The following CELSR1 variants were observed in gnomAD, a reference collection of about 807,000 sequenced individuals.
CELSR1 encodes the protein cadherin EGF LAG seven-pass G-type receptor 1, also known as adhesion G protein-coupled receptor C1.
Under a neutral mutation model 249.1 loss-of-function variants are expected in CELSR1, and 110 were observed. That is an observed-to-expected ratio of 0.44 (90% CI 0.38 to 0.52). CELSR1 has a LOEUF of 0.52. Among genes scored for constraint, CELSR1 ranks in the 20% least tolerant of loss-of-function variants. The pLI is 0.00. For synonymous variants in CELSR1, 2,113 were observed against 1,900.0 expected, an observed-to-expected ratio of 1.11 and a Z score of -2.92; for missense variants, 4,109 against 4,296.4, an observed-to-expected ratio of 0.96 and a Z score of 1.22.
intron 1 of CELSR1, among the ~76,000 whole-genome samples, chr22:46,503,224 G>A (rs2080483076): frequency 6.6e-6 from 1 of 152,220 alleles, no homozygotes; most frequent in Non-Finnish European, 1.5e-5. Context: ...CCAGCCCCCA[G>A]CAATCCAACC....
chr22:46,422,272 ATTT>A (rs1246172460), intron 5 of CELSR1, among the ~76,000 whole-genome samples: 2 of 151,706 alleles, frequency 1.3e-5, no homozygotes, highest in African/African-American at 4.8e-5. Flanking sequence ...CGCCCGGCTA[ATTT>A]TTTTGTATTT....
chr22:46,485,506 C>T (rs1260687245), intron 1 of CELSR1, among the ~76,000 whole-genome samples: 2 of 152,280 alleles, frequency 1.3e-5, no homozygotes, highest in Non-Finnish European at 1.5e-5. Flanking sequence ...CATGCGGGGC[C>T]GCCAGGCAGC....
At position 46,362,049 on chromosome 22, in the gene CELSR1, C is replaced by G. The variant is rs1384432439; in HGVS notation, c.*1174G>C. On this transcript the variant is annotated 3_prime_UTR_variant, in exon 35 of 35. Coordinates refer to ENST00000674500, the MANE Select transcript of CELSR1 (RefSeq NM_001378328.1). ...TTGGTCAGACTCCAGAGGGGAGAAC[C>G]CTGCCTGGAGATCCTCGCAGTCTCA... is the stretch of plus-strand genomic sequence containing the variant. 1.3e-5 allele frequency: 2 copies of G among 152,224 alleles called. No homozygotes were observed. The highest frequency in any genetic ancestry group is 4.8e-5 in the African/African-American group (2 of 41,444). The allele number at this position is 152,224 out of a possible 1,614,324, so 9.4% of individuals were successfully genotyped here. A position where few individuals can be genotyped will look rare whatever the true frequency, so the allele number is the denominator to read the frequency against.
chr22:46,481,373 T>G, intron 1 of CELSR1: 1 of 925,156 alleles, frequency 1.1e-6, no homozygotes, highest in South Asian at 1.4e-5. Flanking sequence ...TCGGTCATAG[T>G]TGGGAGCAGG....
In CELSR1 at chr22:46,434,183, A is replaced by G. The variant is rs538159948; in HGVS notation, c.4523-702T>C. On this transcript the variant is annotated intron_variant, in intron 4 of 34. Transcript: ENST00000674500. This position sits in a 1 kb window ranked among gnomAD's most constrained non-coding sequence, Gnocchi z 4.9. ...ATCTCAGGCTTTTAACAACTCTTAA[A>G]CCACGTAACACGTCCCATCGTGAGG... Among the ~76,000 whole-genome samples, 7 of 152,258 alleles carry G rather than the reference A, an allele frequency of 4.6e-5. No homozygotes were observed. Among genetic ancestry groups the G allele is most frequent in the African/African-American group, 1.7e-4 (7 of 41,544 alleles).
At chr22:46,459,242 G>C (rs1481576983) in intron 2 of CELSR1, among the ~76,000 whole-genome samples, 2 of 152,106 alleles carry the variant, frequency 1.3e-5, no homozygotes, top group East Asian at 3.9e-4. Context: ...AGGGAGAGCA[G>C]ACACCAAGAG....
At chr22:46,525,870 G>T (rs563310017) in intron 1 of CELSR1, among the ~76,000 whole-genome samples, 1 of 152,250 alleles carries the variant, frequency 6.6e-6, no homozygotes, top group Non-Finnish European at 1.5e-5. Flanking sequence ...AGCGACACTG[G>T]GGCCAGCGTG....
chr22:46,419,983 ACACT>A (rs935461279), intron 5 of CELSR1, among the ~76,000 whole-genome samples: 25 of 151,426 alleles, frequency 1.7e-4, no homozygotes, highest in Admixed American at 1.6e-3. Flanking sequence ...ACCCTTATGT[ACACT>A]CACCCACAAT....
At position 46,363,842 on chromosome 22, in the gene CELSR1, G is replaced by A. The variant is rs535223882; in HGVS notation, c.9035+154C>T. ...GTATCCTCCTGACCTCAGCTGCAGCGCCTCCCCCCTCCCCCATCCCCGCCT... is the reference window on the plus strand; with the variant it reads ...GTATCCTCCTGACCTCAGCTGCAGCACCTCCCCCCTCCCCCATCCCCGCCT... On this transcript the variant is annotated intron_variant, in intron 34 of 34. Transcript: ENST00000674500. This position sits in a 1 kb window ranked among gnomAD's most constrained non-coding sequence, Gnocchi z 4.3. 28 of 1,021,462 alleles carry A rather than the reference G, an allele frequency of 2.7e-5. No homozygotes were observed. The highest frequency in any genetic ancestry group is 1.2e-4 in the Admixed American group (4 of 32,786). 63.3% of individuals were successfully genotyped at this position (1,021,462 alleles called of 1,614,324 possible).
intron 17 of CELSR1, among the ~76,000 whole-genome samples, chr22:46,389,980 C>T (rs74866027): frequency 0.013 from 2,032 of 151,916 alleles, 50 homozygotes; most frequent in African/African-American, 0.047. Flanking sequence ...ACAAAAAGCC[C>T]AAAAATGAGC....
intron 1 of CELSR1, among the ~76,000 whole-genome samples, chr22:46,509,442 G>T (rs934290029): frequency 6.6e-6 from 1 of 152,244 alleles, no homozygotes; most frequent in Non-Finnish European, 1.5e-5. Flanking sequence ...TGGTCACTGC[G>T]TTGTCACAGT....
rs1480449614 is a variant in CELSR1 at position 46,366,433 on chromosome 22, C to T, written c.8253G>A (p.Leu2751=). 1 of 1,550,354 alleles carries T rather than the reference C, an allele frequency of 6.5e-7. No individual in the cohort carries two copies. Among genetic ancestry groups the T allele is most frequent in the East Asian group, 2.4e-5 (1 of 40,916 alleles). The change falls in exon 30 of 35, where the codon CTG becomes CTA. Residue 2751 remains leucine (L), a synonymous_variant. Coordinates refer to ENST00000674500, the MANE Select transcript of CELSR1 (RefSeq NM_001378328.1). ...NTTFGDGPDM[L]RTDLGESTAS... is the part of the protein sequence containing the mutation. ...CGGTGGACTCGCCCAAGTCTGTGCGCAGCATGTCAGGCCCGTCACCGAAGG... is the reference window on the plus strand; with the variant it reads ...CGGTGGACTCGCCCAAGTCTGTGCGTAGCATGTCAGGCCCGTCACCGAAGG...
In CELSR1 at chr22:46,482,061, C is replaced by T. The variant is rs925716780; in HGVS notation, c.3545-17716G>A. On this transcript the variant is annotated intron_variant, in intron 1 of 34. Coordinates refer to ENST00000674500, the MANE Select transcript of CELSR1 (RefSeq NM_001378328.1). ...GTGCTGGGATCACAGACATGAGCTA[C>T]TGCACCCGGCTGACTTTTATAAATC... Among the ~76,000 whole-genome samples, 5 of 152,250 alleles carry T rather than the reference C, an allele frequency of 3.3e-5. No homozygotes were observed. The East Asian group carries it at 9.6e-4, about 29-fold the overall frequency.
rs142429297 is a variant in CELSR1 at position 46,501,819 on chromosome 22, C to T, written c.3544+31808G>A. ...AAAAAGAATTCCCGAAGAGTTCCCC[C>T]GCTGGCACAGTCATGGGCTTCCTTG... On this transcript the variant is annotated intron_variant, in intron 1 of 34. Coordinates refer to ENST00000674500, the MANE Select transcript of CELSR1 (RefSeq NM_001378328.1). Among the ~76,000 whole-genome samples the T allele has an allele frequency of 7.0e-3, 1,062 of 152,250 alleles. 12 individuals are homozygous for T. The highest frequency in any genetic ancestry group is 0.024 in the African/African-American group (1,004 of 41,540).
intron 1 of CELSR1, among the ~76,000 whole-genome samples, chr22:46,492,492 G>A (rs1209973246): frequency 6.6e-6 from 1 of 152,126 alleles, no homozygotes; most frequent in Admixed American, 6.6e-5. Context: ...GGTAGCTTGT[G>A]TTATTCCCAC....
At chr22:46,463,404 T>C (rs1602172244) in intron 2 of CELSR1, among the ~76,000 whole-genome samples, 1 of 151,966 alleles carries the variant, frequency 6.6e-6, no homozygotes, top group East Asian at 1.9e-4. Flanking sequence ...CAACCCCAGC[T>C]ACTCGGGAGG....
chr22:46,510,591 C>T (rs1335176444), intron 1 of CELSR1, among the ~76,000 whole-genome samples: 2 of 152,174 alleles, frequency 1.3e-5, no homozygotes, highest in Non-Finnish European at 2.9e-5. Context: ...TTCATCTCGG[C>T]TCACACGCAG....
chr22:46,472,073 G>A lies in CELSR1; in HGVS notation c.3545-7728C>T, dbSNP rs1294918928. Among the ~76,000 whole-genome samples the A allele has an allele frequency of 3.3e-5, 5 of 152,094 alleles. No individual in the cohort carries two copies. The highest frequency in any genetic ancestry group is 1.9e-4 in the East Asian group (1 of 5,190). ...CCTCCCAGGCCTGGAGCGGCTCCGC[G>A]GCACCTCAAAAGCGATCAAGTGCCA... is the stretch of plus-strand genomic sequence containing the variant. On this transcript the variant is annotated intron_variant, in intron 1 of 34. Transcript: ENST00000674500. This position sits in a 1 kb window ranked among gnomAD's most constrained non-coding sequence, Gnocchi z 7.0.
chr22:46,524,399 C>T (rs1889472135), intron 1 of CELSR1, among the ~76,000 whole-genome samples: 1 of 152,178 alleles, frequency 6.6e-6, no homozygotes, highest in African/African-American at 2.4e-5. Flanking sequence ...CAAACAAGGC[C>T]CGCAGCTCTG....
Sources: allele counts gnomAD v4.1 joint callset (sites outside exome capture counted in the v4.1 genomes callset), GRCh38; gene constraint gnomAD v4.1.1; non-coding constraint Gnocchi (gnomAD v3.1); transcripts MANE v1.5; gene names NCBI Gene and HGNC (gene_info 2026-07-23, HGNC 2026-07-21).